The following VRK2 variants were observed in gnomAD, a reference collection of about 807,000 sequenced individuals.
VRK2 encodes the protein VRK serine/threonine kinase 2, also known as serine/threonine-protein kinase VRK2.
Under a neutral mutation model 57.6 loss-of-function variants are expected in VRK2, and 60 were observed. That is an observed-to-expected ratio of 1.04 (90% CI 0.85 to 1.29). VRK2 has a LOEUF of 1.29. Ranked by LOEUF, VRK2 falls within the 50% of genes most tolerant of loss-of-function variation. VRK2 has a pLI of 0.00. For synonymous variants in VRK2, 231 were observed against 199.2 expected (o/e 1.16, Z -1.35); for missense variants, 705 against 588.1 (o/e 1.20, Z -2.06).
intron 6 of VRK2, 118 bp downstream of exon 6, chr2:58,088,564 G>C: frequency 1.3e-6 from 1 of 797,582 alleles, no homozygotes; most frequent in Non-Finnish European, 2.1e-6. Flanking sequence ...AGAGACATCA[G>C]TTATTAGGAG....
chr2:58,088,387 A>G lies in VRK2; in HGVS notation c.391A>G (p.Ile131Val). The G allele has an allele frequency of 1.2e-6, 2 of 1,613,476 alleles. No individual in the cohort carries two copies. Among genetic ancestry groups the G allele is most frequent in the Non-Finnish European group, 1.7e-6 (2 of 1,179,688 alleles). ...AAGACTAGGAATAGATTTACAGAAG[A>G]TCTCAGGCCAGAATGGTACCTTTAA... The part of the protein sequence containing the change: ...MERLGIDLQK[I>V]SGQNGTFKKS... The change falls in exon 6 of 13, where the codon ATC becomes GTC. Residue 131 changes from isoleucine (I) to valine (V), a missense_variant. Ile to Val is a conservative substitution (Grantham distance 29). Transcript: ENST00000340157.
intron 1 of VRK2, among the ~76,000 whole-genome samples, chr2:57,990,124 T>C (rs1672716636): frequency 6.6e-6 from 1 of 152,200 alleles, no homozygotes; most frequent in African/African-American, 2.4e-5. Flanking sequence ...TTGGCCATCC[T>C]CTGGCATAGT....
At position 57,955,840 on chromosome 2, in the gene VRK2, C is replaced by CA. The variant is rs558851872; in HGVS notation, c.-439+48006dup. Among the ~76,000 whole-genome samples, 33 of 152,144 alleles carry CA rather than the reference C, an allele frequency of 2.2e-4. 1 individual carries two copies. The South Asian group carries it at 6.7e-3, about 31-fold the overall frequency. On this transcript the variant is annotated intron_variant, in intron 1 of 15. Transcript: ENST00000417641. ...TAGAAATATTACGATCATAATTTAG[C>CA]AAAAAGTAAAAATTTTATTTTGGGT...
chr2:57,978,660 CTTGAT>C (rs1672322866), intron 1 of VRK2, among the ~76,000 whole-genome samples: 1 of 148,746 alleles, frequency 6.7e-6, no homozygotes, highest in East Asian at 1.9e-4. Flanking sequence ...TATTGGCTTA[CTTGAT>C]TTGTTTCCTT....
chr2:57,954,887 A>C (rs1309483886), intron 1 of VRK2, among the ~76,000 whole-genome samples: 1 of 152,184 alleles, frequency 6.6e-6, no homozygotes, highest in Non-Finnish European at 1.5e-5. Flanking sequence ...ATAGAATCTC[A>C]CAGAAAAAAG....
At chr2:57,957,716 G>A (rs558799188) in intron 1 of VRK2, among the ~76,000 whole-genome samples, 1 of 151,056 alleles carries the variant, frequency 6.6e-6, no homozygotes, top group African/African-American at 2.4e-5. Context: ...AACTGAAATA[G>A]TGAATTTAGC....
rs377685179 is a variant in VRK2 at position 58,088,500 on chromosome 2, T to C, written c.450+54T>C. The C allele has an allele frequency of 7.9e-4, 1,007 of 1,277,952 alleles. 12 individuals carry two copies. In the South Asian group the frequency reaches 0.012, roughly 15 times the overall value. 79.2% of individuals were successfully genotyped at this position (1,277,952 alleles called of 1,614,324 possible). A position where few individuals can be genotyped will look rare whatever the true frequency, so the allele number is the denominator to read the frequency against. On this transcript the variant is annotated intron_variant, in intron 6 of 12. Coordinates refer to ENST00000340157, the MANE Select transcript of VRK2 (RefSeq NM_006296.7). ...TTTCCAAATTGTTTACTTCTTGCAA[T>C]ATAGAAATCTTTTCCCTTTGTGGAA...
intron 3 of VRK2, among the ~76,000 whole-genome samples, chr2:58,038,240 T>C (rs889632965): frequency 6.6e-6 from 1 of 152,080 alleles, no homozygotes; most frequent in African/African-American, 2.4e-5. Flanking sequence ...TCTCACAAGA[T>C]CTAATGGTTT....
In VRK2 at chr2:58,089,721, C is replaced by T; in HGVS notation, c.541C>T (p.Gln181Ter). ...ACTTTTGGGTTACAAAAATCCAGAC[C>T]AGGTAAATACATACTTTTGCTTTTA... is the stretch of plus-strand genomic sequence containing the variant. ...NLLLGYKNPD[Q>*]VYLADYGLSY... The change falls in exon 7 of 13, where the codon CAG becomes TAG. Residue 181 changes from glutamine (Q) to a stop codon, truncating the protein, a stop_gained and splice_region_variant. Coordinates refer to ENST00000340157, the MANE Select transcript of VRK2 (RefSeq NM_006296.7). LOFTEE classifies it high-confidence loss of function. 2 of 1,594,172 alleles carry T rather than the reference C, an allele frequency of 1.3e-6. No homozygotes were observed. Among genetic ancestry groups the T allele is most frequent in the Middle Eastern group, 1.7e-4 (1 of 6,006 alleles).
intron 3 of VRK2, among the ~76,000 whole-genome samples, chr2:58,039,286 A>G (rs1475281080): frequency 6.6e-6 from 1 of 152,146 alleles, no homozygotes; most frequent in African/African-American, 2.4e-5. Context: ...GCACTTCCTC[A>G]CAACATTGCC....
chr2:58,044,272 A>G (rs558931676), upstream of VRK2, among the ~76,000 whole-genome samples: 4 of 152,258 alleles, frequency 2.6e-5, no homozygotes, highest in African/African-American at 9.6e-5. Flanking sequence ...CACATCAGAG[A>G]CTATCTCTTC....
intron 1 of VRK2, among the ~76,000 whole-genome samples, chr2:57,968,500 C>T (rs1396435953): frequency 6.6e-6 from 1 of 151,946 alleles, no homozygotes; most frequent in Non-Finnish European, 1.5e-5. Flanking sequence ...CTAAATTGGT[C>T]TCAGAATGCT....
At position 58,137,195 on chromosome 2, in the gene VRK2, TATATATCTC is replaced by T. The variant is rs1558686981; in HGVS notation, c.856+2003_856+2011del. 1.5e-3 allele frequency among the ~76,000 whole-genome samples: 35 copies of T among 23,046 alleles called. 2 individuals carry two copies. The highest frequency in any genetic ancestry group is 5.0e-3 in the African/African-American group (31 of 6,206). 15.1% of individuals were successfully genotyped at this position (23,046 alleles called of 152,430 possible). A position where few individuals can be genotyped will look rare whatever the true frequency, so the allele number is the denominator to read the frequency against. ...TATCATATATATCATATATGATACA[TATATATCTC>T]ATATATGATACATATATATCATATG... On this transcript the variant is annotated intron_variant, in intron 10 of 12. Transcript: ENST00000340157.
At chr2:58,043,198 C>G (rs1674531840), upstream of VRK2, among the ~76,000 whole-genome samples, 1 of 152,108 alleles carries the variant, frequency 6.6e-6, no homozygotes, top group East Asian at 1.9e-4. Flanking sequence ...CATAAGAACA[C>G]TTAACACTTC....
At chr2:58,109,593 A>G (rs1480801667) in intron 7 of VRK2, among the ~76,000 whole-genome samples, 1 of 152,188 alleles carries the variant, frequency 6.6e-6, no homozygotes, top group Non-Finnish European at 1.5e-5. Context: ...AGAAGTGCTG[A>G]GGGAAAGGGT....
intron 1 of VRK2, among the ~76,000 whole-genome samples, chr2:57,986,581 T>C (rs1031747395): frequency 2.7e-5 from 4 of 150,182 alleles, no homozygotes; most frequent in Non-Finnish European, 5.9e-5. Flanking sequence ...GACCCACTAA[T>C]ACATAGTTCA....
intron 3 of VRK2, among the ~76,000 whole-genome samples, chr2:58,041,490 A>G (rs1674453684): frequency 6.6e-6 from 1 of 152,042 alleles, no homozygotes; most frequent in Non-Finnish European, 1.5e-5. Context: ...TAAAGCACAG[A>G]CCTTTGGACT....
Position 58,159,373 on chromosome 2 carries a change from T to C in VRK2, c.1207T>C (p.Tyr403His), listed in dbSNP as rs1402847552. 6.2e-7 allele frequency: 1 copy of C among 1,609,944 alleles called. No homozygotes were observed. Among genetic ancestry groups the C allele is most frequent in the Non-Finnish European group, 8.5e-7 (1 of 1,178,574 alleles). Residue 403 changes from tyrosine to histidine, a missense_variant, in exon 13 of 13, where the codon TAT becomes CAT. Coordinates refer to ENST00000340157, the MANE Select transcript of VRK2 (RefSeq NM_006296.7). ...GGAAAGCACAAGGAGAAGACAGAAA[T>C]ATCAAGAGTCTCAAGAACCTTTGAA... ...AQESTRRRQK[Y>H]QESQEPLNEV...
chr2:57,921,442 A>T (rs1050973665), intron 1 of VRK2, among the ~76,000 whole-genome samples: 1 of 152,056 alleles, frequency 6.6e-6, no homozygotes, highest in Admixed American at 6.6e-5. Flanking sequence ...CCTTGTGTGG[A>T]TCCTCCTGGG....
Sources: allele counts gnomAD v4.1 joint callset (sites outside exome capture counted in the v4.1 genomes callset), GRCh38; gene constraint gnomAD v4.1.1; transcripts MANE v1.5; gene names NCBI Gene and HGNC (gene_info 2026-07-23, HGNC 2026-07-21).